The following PIP4P2 variants were observed in gnomAD, a reference collection of about 807,000 sequenced individuals.
PIP4P2 encodes phosphatidylinositol-4,5-bisphosphate 4-phosphatase 2.
In PIP4P2, 19 loss-of-function variants were observed where a neutral mutation model predicts 33.3. The observed-to-expected ratio is 0.57, with a 90% CI of 0.40 to 0.84. The LOEUF (loss-of-function observed/expected upper bound fraction) is 0.84. Ranked by LOEUF, PIP4P2 falls within the 40% of genes least tolerant of loss-of-function variation. The pLI is 0.00. For missense variants in PIP4P2, 270 were observed against 324.7 expected, an observed-to-expected ratio of 0.83 and a Z score of 1.29; for synonymous variants, 110 against 111.9, an observed-to-expected ratio of 0.98 and a Z score of 0.11.
intron 1 of PIP4P2, among the ~76,000 whole-genome samples, chr8:91,033,148 A>G (rs531689211): frequency 1.3e-5 from 2 of 152,344 alleles, no homozygotes; most frequent in Non-Finnish European, 2.9e-5. Context: ...TAATTGTTGA[A>G]TGAAATTTGC....
intron 4 of PIP4P2, among the ~76,000 whole-genome samples, chr8:91,011,293 G>T (rs1259406039): frequency 6.6e-6 from 1 of 151,950 alleles, no homozygotes; most frequent in Non-Finnish European, 1.5e-5. Flanking sequence ...AAAGTATCTG[G>T]ATATGCCTTT....
intron 1 of PIP4P2, among the ~76,000 whole-genome samples, chr8:91,025,180 A>G (rs1812066937): frequency 6.7e-6 from 1 of 149,070 alleles, no homozygotes; most frequent in African/African-American, 2.5e-5. Flanking sequence ...AGGAGAAGGA[A>G]GAATCGGGGT....
intron 5 of PIP4P2, among the ~76,000 whole-genome samples, chr8:91,003,445 C>A (rs1811726052): frequency 6.6e-6 from 1 of 152,020 alleles, no homozygotes; most frequent in Admixed American, 6.6e-5. Flanking sequence ...ACTAATATTT[C>A]TTGGTTGGTC....
At chr8:91,021,151 T>C (rs1030624399) in intron 2 of PIP4P2, 105 bp downstream of exon 2, 1 of 1,291,630 alleles carries the variant, frequency 7.7e-7, no homozygotes, top group Non-Finnish European at 1.1e-6. Flanking sequence ...ACCATATTTG[T>C]ATCCAGCCCA....
chr8:91,008,861 A>G, intron 4 of PIP4P2, 66 bp from the exon 5 acceptor site: 4 of 1,386,214 alleles, frequency 2.9e-6, no homozygotes, highest in Non-Finnish European at 4.0e-6. Flanking sequence ...CTGATAAGAC[A>G]TTTCTTTTAC....
At chr8:90,999,873 T>C (rs538940379) in intron 5 of PIP4P2, among the ~76,000 whole-genome samples, 3 of 152,184 alleles carry the variant, frequency 2.0e-5, no homozygotes, top group Admixed American at 6.6e-5. Context: ...CCATTACTGT[T>C]AAGTTTTACT....
At chr8:91,034,517 A>G (rs1175316436) in intron 1 of PIP4P2, among the ~76,000 whole-genome samples, 1 of 152,208 alleles carries the variant, frequency 6.6e-6, no homozygotes, top group African/African-American at 2.4e-5. Context: ...TTTGAAAAAA[A>G]TTCCCTTAAA....
intron 1 of PIP4P2, among the ~76,000 whole-genome samples, chr8:91,037,859 C>T (rs944799920): frequency 2.6e-5 from 4 of 152,130 alleles, no homozygotes; most frequent in Non-Finnish European, 5.9e-5. Context: ...ACAAAATTAG[C>T]AGATGTATAA....
At chr8:91,000,083 T>C (rs1340885408) in intron 5 of PIP4P2, among the ~76,000 whole-genome samples, 2 of 152,046 alleles carry the variant, frequency 1.3e-5, no homozygotes, top group African/African-American at 4.8e-5. Flanking sequence ...ACTTAAAATT[T>C]TAACTTTCAT....
At position 91,040,833 on chromosome 8, in the gene PIP4P2, G is replaced by A. The variant is rs1161230356; in HGVS notation, c.-84C>T. The A allele has an allele frequency of 6.5e-6, 8 of 1,225,256 alleles. No individual in the cohort carries two copies. Among genetic ancestry groups the A allele is most frequent in the South Asian group, 6.4e-5 (5 of 77,990 alleles). The allele number at this position is 1,225,256 out of a possible 1,614,324, so 75.9% of individuals were successfully genotyped here. A position where few individuals can be genotyped will look rare whatever the true frequency, so the allele number is the denominator to read the frequency against. On this transcript the variant is annotated 5_prime_UTR_variant, in exon 1 of 7. Coordinates refer to ENST00000285419, the MANE Select transcript of PIP4P2 (RefSeq NM_018710.3). The stretch of plus-strand genomic sequence containing the variant: ...GGTGGCTACTGCTGCTGCCTCTGCT[G>A]CCGCTGCTGCCGCTGCAGCTGCTGC...
intron 1 of PIP4P2, among the ~76,000 whole-genome samples, chr8:91,027,314 C>G (rs1281734209): frequency 6.6e-6 from 1 of 152,202 alleles, no homozygotes; most frequent in East Asian, 1.9e-4. Flanking sequence ...TCACTCTGAA[C>G]CTCCACTGCA....
intron 5 of PIP4P2, among the ~76,000 whole-genome samples, 194 bp downstream of exon 5, chr8:91,008,549 C>T (rs574023393): frequency 1.3e-4 from 20 of 152,166 alleles, no homozygotes; most frequent in African/African-American, 4.6e-4. Context: ...GATAATCAAG[C>T]CTAATCATTT....
At chr8:91,036,905 A>C (rs1812238527) in intron 1 of PIP4P2, among the ~76,000 whole-genome samples, 1 of 152,172 alleles carries the variant, frequency 6.6e-6, no homozygotes, top group African/African-American at 2.4e-5. Context: ...CCAAGATGGC[A>C]TCTCCCTTCA....
intron 4 of PIP4P2, among the ~76,000 whole-genome samples, chr8:91,009,426 T>C (rs1811802560): frequency 6.6e-6 from 1 of 152,090 alleles, no homozygotes; most frequent in Admixed American, 6.6e-5. Context: ...TTTGAAGGAA[T>C]ATGCAATATA....
In PIP4P2 at chr8:91,018,621, T is replaced by C. The variant is rs1811954854; in HGVS notation, c.363-108A>G. 4.0e-6 allele frequency: 6 copies of C among 1,507,564 alleles called. No individual in the cohort carries two copies. In the South Asian group the frequency reaches 7.5e-5, roughly 19 times the overall value. The allele number at this position is 1,507,564 out of a possible 1,614,324, so 93.4% of individuals were successfully genotyped here. A position where few individuals can be genotyped will look rare whatever the true frequency, so the allele number is the denominator to read the frequency against. ...AATGTGCTATACTTGTTTCATAAAT[T>C]AAGTGAATTAAATGTCAAGCTGGAG... On this transcript the variant is annotated intron_variant, in intron 3 of 6. Coordinates refer to ENST00000285419, the MANE Select transcript of PIP4P2 (RefSeq NM_018710.3).
At chr8:91,018,936 G>A (rs1352224778) in intron 3 of PIP4P2, among the ~76,000 whole-genome samples, 4 of 152,128 alleles carry the variant, frequency 2.6e-5, no homozygotes, top group African/African-American at 4.8e-5. Flanking sequence ...TCTGAGCAGT[G>A]TGATATTCCT....
At chr8:91,018,257 G>A in intron 4 of PIP4P2, 133 bp downstream of exon 4, 2 of 1,381,698 alleles carry the variant, frequency 1.4e-6, no homozygotes, top group South Asian at 2.8e-5. Context: ...CTGATTGTCT[G>A]CCTAAATAAG....
chr8:91,028,336 TC>T (rs577130743), intron 1 of PIP4P2, among the ~76,000 whole-genome samples: 128 of 152,334 alleles, frequency 8.4e-4, no homozygotes, highest in African/African-American at 2.7e-3. Flanking sequence ...CTGTAAATCT[TC>T]CTTCAAACTT....
rs180797925 is a variant in PIP4P2 at position 91,030,546 on chromosome 8, A to G, written c.107-9142T>C. ...GTTTAATGTATTTATTACATATTAA[A>G]TTTTTATTAGTAATATATTGGCATG... On this transcript the variant is annotated intron_variant, in intron 1 of 6. Coordinates refer to ENST00000285419, the MANE Select transcript of PIP4P2 (RefSeq NM_018710.3). Among the ~76,000 whole-genome samples, 4 of 152,350 alleles carry G rather than the reference A, an allele frequency of 2.6e-5. No homozygotes were observed. In the East Asian group the frequency reaches 7.7e-4, roughly 29 times the overall value.
Sources: gnomAD v4.1 joint callset for allele counts (sites outside exome capture counted in the v4.1 genomes callset) on GRCh38, gnomAD v4.1.1 for gene constraint, MANE v1.5 for transcripts, NCBI Gene and HGNC (gene_info 2026-07-23, HGNC 2026-07-21) for gene names.